POU2F2: variants seen among roughly 807,000 people sequenced by gnomAD.
POU2F2 encodes the protein POU domain, class 2, transcription factor 2.
In POU2F2, 14 loss-of-function variants were observed where a neutral mutation model predicts 63.5. That is an observed-to-expected ratio of 0.22 (90% confidence interval 0.15 to 0.34). The LOEUF is 0.34. Among genes scored for constraint, POU2F2 ranks in the 10% least tolerant of loss-of-function variants. POU2F2 has a pLI of 1.00. For missense variants in POU2F2, 607 were observed against 815.2 expected (o/e 0.74, Z 3.11); for synonymous variants, 306 against 348.6 (o/e 0.88, Z 1.36).
rs2076874441 is a variant in POU2F2, at chr19:42,095,254, G to C, written c.1197+32C>G. ...ACACAGGTGCCTGCGGAGCTCTGTGGTCTCCCCACCCCCCAGGCGGGCTCT... is the reference window on the plus strand; with the variant it reads ...ACACAGGTGCCTGCGGAGCTCTGTGCTCTCCCCACCCCCCAGGCGGGCTCT... On this transcript the variant is annotated intron_variant, in intron 11 of 14. Transcript: ENST00000692977. The surrounding 1 kb of genome is among the most constrained non-coding windows in gnomAD (Gnocchi z 7.1). The C allele has an allele frequency of 1.3e-6, 2 of 1,596,566 alleles. No homozygotes were observed. Among genetic ancestry groups the C allele is most frequent in the Admixed American group, 1.7e-5 (1 of 57,576 alleles).
intron 2 of POU2F2, among the ~76,000 whole-genome samples, chr19:42,148,074 C>T (rs769115819): frequency 3.3e-5 from 5 of 151,900 alleles, no homozygotes; most frequent in Non-Finnish European, 5.9e-5. Context: ...TCTTGCCCCC[C>T]TCTTCATCCT....
At chr19:42,176,633 C>G (rs1246824421), upstream of POU2F2, among the ~76,000 whole-genome samples, 1 of 152,092 alleles carries the variant, frequency 6.6e-6, no homozygotes, top group Non-Finnish European at 1.5e-5. Context: ...ACCTCCTCTC[C>G]GTCCCCATTT....
In POU2F2 at chr19:42,091,704, C is replaced by A. The variant is rs1445144159; in HGVS notation, c.1541-113G>T. 4 of 1,551,322 alleles carry A rather than the reference C, an allele frequency of 2.6e-6. No individual in the cohort carries two copies. The East Asian group carries it at 9.8e-5, about 38-fold the overall frequency. ...ATCTCCCCATCGGTCCCACTGACCC[C>A]CATCAGCACCCCTCACACCTTCCCC... On this transcript the variant is annotated intron_variant, in intron 14 of 14. Coordinates refer to ENST00000692977, the MANE Select transcript of POU2F2 (RefSeq NM_001394376.1).
chr19:42,103,373 T>G (rs2077214302), intron 5 of POU2F2, among the ~76,000 whole-genome samples: 1 of 152,228 alleles, frequency 6.6e-6, no homozygotes, highest in African/African-American at 2.4e-5. Flanking sequence ...GAACAGCACC[T>G]GGCACCCAGT....
At chr19:42,126,388 A>G (rs890690549) in intron 1 of POU2F2, among the ~76,000 whole-genome samples, 44 of 152,102 alleles carry the variant, frequency 2.9e-4, no homozygotes, top group African/African-American at 1.1e-3. Context: ...GGTTGCAGGC[A>G]GCCGAGATCG....
chr19:42,188,117 C>A (rs1464559055), intron 1 of POU2F2, among the ~76,000 whole-genome samples: 2 of 152,084 alleles, frequency 1.3e-5, no homozygotes, highest in Non-Finnish European at 2.9e-5. Flanking sequence ...ATAATCCCGG[C>A]ACTTTCGGAG....
intron 6 of POU2F2, 33 bp from the exon 7 acceptor site, chr19:42,099,651 G>C: frequency 6.2e-7 from 1 of 1,606,304 alleles, no homozygotes; most frequent in African/African-American, 1.3e-5. Context: ...ACAGGGTGAG[G>C]GGGAGGGGAA....
upstream of POU2F2, chr19:42,132,479 C>T: frequency 7.2e-7 from 1 of 1,380,330 alleles, no homozygotes; most frequent in South Asian, 1.7e-5. Flanking sequence ...GGGCCGAGCC[C>T]TCCCTGCCGG....
chr19:42,124,379 TAAA>T (rs58616252), intron 1 of POU2F2, among the ~76,000 whole-genome samples: 2 of 132,556 alleles, frequency 1.5e-5, no homozygotes, highest in Admixed American at 7.5e-5. Flanking sequence ...TCAGTAACTG[TAAA>T]AAAAAAAAAA....
intron 1 of POU2F2, 85 bp downstream of exon 1, chr19:42,132,296 TGAG>T (rs1382207485): frequency 6.9e-7 from 1 of 1,452,822 alleles, no homozygotes; most frequent in Non-Finnish European, 9.4e-7. Flanking sequence ...TGGAGACAGC[TGAG>T]GAGGAGGGGC....
upstream of POU2F2, among the ~76,000 whole-genome samples, chr19:42,180,725 T>TTTGG (rs1416389917): frequency 6.6e-6 from 1 of 151,904 alleles, no homozygotes; most frequent in Non-Finnish European, 1.5e-5. Flanking sequence ...TGTTTGTCTG[T>TTTGG]TTGTTTGTTT....
At chr19:42,104,415 T>C (rs2077258009) in intron 5 of POU2F2, among the ~76,000 whole-genome samples, 1 of 151,918 alleles carries the variant, frequency 6.6e-6, no homozygotes, top group Non-Finnish European at 1.5e-5. Context: ...TAGAAGGCTA[T>C]TCCCAGCAGC....
intron 2 of POU2F2, among the ~76,000 whole-genome samples, chr19:42,154,083 C>T (rs2034410467): frequency 6.6e-6 from 1 of 151,782 alleles, no homozygotes; most frequent in Non-Finnish European, 1.5e-5. Flanking sequence ...CCCAACCCCC[C>T]CAGCGCCACC....
intron 1 of POU2F2, among the ~76,000 whole-genome samples, chr19:42,126,126 C>T (rs186293872): frequency 2.6e-4 from 40 of 152,176 alleles, no homozygotes; most frequent in Admixed American, 1.9e-3. Context: ...TAGGGTGGAC[C>T]TTACTACAAT....
chr19:42,094,017 A>G (rs1057460252), intron 11 of POU2F2, 122 bp from the exon 12 acceptor site: 1 of 734,362 alleles, frequency 1.4e-6, no homozygotes, highest in African/African-American at 1.8e-5. Context: ...ACAATGCTGC[A>G]TTTGTATTAT....
At chr19:42,101,289 T>C (rs2077133308) in intron 5 of POU2F2, among the ~76,000 whole-genome samples, 1 of 147,386 alleles carries the variant, frequency 6.8e-6, no homozygotes, top group Admixed American at 6.8e-5. Context: ...AAAAGGTAAG[T>C]TGGAATCCTA....
chr19:42,171,031 C>A (rs557911108), intron 1 of POU2F2, among the ~76,000 whole-genome samples: 1 of 152,398 alleles, frequency 6.6e-6, no homozygotes, highest in South Asian at 2.1e-4. Context: ...CTGGCAGAAC[C>A]GTCCGGACCA....
Position 42,091,442 on chromosome 19 carries a change from G to GGGT in POU2F2, c.1687_1689dup (p.Thr563dup). On this transcript the variant is annotated inframe_insertion, in exon 15 of 15. Coordinates refer to ENST00000692977, the MANE Select transcript of POU2F2 (RefSeq NM_001394376.1). Reference sequence around the variant, plus strand: ...GCTGAGACCAGGCCCACACCAGGCGGGGTGCTGAGCAGGGGCAGCCCAGCA... The same window carrying GGGT: ...GCTGAGACCAGGCCCACACCAGGCGGGGTGGTGCTGAGCAGGGGCAGCCCAGCA... The GGGT allele has an allele frequency of 6.4e-7, 1 of 1,550,808 alleles. No individual in the cohort carries two copies. The highest frequency in any genetic ancestry group is 1.4e-5 in the African/African-American group (1 of 73,152).
At position 42,122,196 on chromosome 19, in the gene POU2F2, G is replaced by T. The variant is rs373693814; in HGVS notation, c.130-14C>A. On this transcript the variant is annotated splice_polypyrimidine_tract_variant and intron_variant, in intron 3 of 14. Transcript: ENST00000692977. ...ATTTTGGGGGTTCTGCAAAGAGAAA[G>T]TAGGAGCAAGGGGATGGGAATAGTG... is the stretch of plus-strand genomic sequence containing the variant. 2.8e-4 allele frequency: 459 copies of T among 1,610,748 alleles called. No homozygotes were observed. Among genetic ancestry groups the T allele is most frequent in the Non-Finnish European group, 3.8e-4 (447 of 1,177,676 alleles).
Sources: gnomAD v4.1 joint callset for allele counts (sites outside exome capture counted in the v4.1 genomes callset) on GRCh38, gnomAD v4.1.1 for gene constraint, Gnocchi (gnomAD v3.1) non-coding constraint, MANE v1.5 for transcripts, NCBI Gene and HGNC (gene_info 2026-07-23, HGNC 2026-07-21) for gene names.